The following MACROD2 variants were observed in gnomAD, a reference collection of about 807,000 sequenced individuals.
MACROD2 encodes ADP-ribose glycohydrolase MACROD2.
In MACROD2, 36 loss-of-function variants were observed where a neutral mutation model predicts 70.4. The ratio of observed to expected loss-of-function variants is 0.51; its 90% CI spans 0.39 to 0.68. The LOEUF (loss-of-function observed/expected upper bound fraction) is 0.68, where lower values mean the gene tolerates loss of function less well. Ranked by LOEUF, MACROD2 falls within the 30% of genes least tolerant of loss-of-function variation. The probability of loss-of-function intolerance (pLI) is 0.00; values close to 1 mark genes in which losing one functional copy is unlikely to be tolerated. For synonymous variants in MACROD2, 172 were observed against 178.8 expected, an observed-to-expected ratio of 0.96 and a Z score of 0.30; for missense variants, 496 against 538.4, an observed-to-expected ratio of 0.92 and a Z score of 0.78.
At chr20:14,043,622 T>G (rs1225257452) in intron 2 of MACROD2, among the ~76,000 whole-genome samples, 1 of 152,240 alleles carries the variant, frequency 6.6e-6, no homozygotes, top group Non-Finnish European at 1.5e-5. Context: ...AAAGGCCGGT[T>G]CAGATTCTTA....
intron 3 of MACROD2, among the ~76,000 whole-genome samples, chr20:14,469,183 A>G (rs1053109850): frequency 6.6e-6 from 1 of 151,346 alleles, no homozygotes; most frequent in African/African-American, 2.5e-5. Flanking sequence ...TCCTTTGCTT[A>G]TGAACCTTAG....
chr20:14,779,172 A>G (rs1029891899), intron 5 of MACROD2, among the ~76,000 whole-genome samples: 1 of 152,136 alleles, frequency 6.6e-6, no homozygotes, highest in African/African-American at 2.4e-5. Context: ...TTCCAAGCTC[A>G]GAGTGTACAT....
At chr20:15,921,238 G>T (rs6135601) in intron 10 of MACROD2, among the ~76,000 whole-genome samples, 6,058 of 152,154 alleles carry the variant, frequency 0.04, 280 homozygotes, top group East Asian at 0.23. Flanking sequence ...TGCTCCAGCC[G>T]TACTAAATTA....
At chr20:15,997,746 A>G (rs2066652147) in intron 15 of MACROD2, among the ~76,000 whole-genome samples, 2 of 152,086 alleles carry the variant, frequency 1.3e-5, no homozygotes, top group African/African-American at 4.8e-5. Context: ...AGTGGTGAGT[A>G]GGGGCATCTT....
chr20:14,563,929 C>G (rs1979606047), intron 4 of MACROD2, among the ~76,000 whole-genome samples: 1 of 151,844 alleles, frequency 6.6e-6, no homozygotes, highest in African/African-American at 2.4e-5. Flanking sequence ...GGTGGTGTTA[C>G]ATTACTTGAC....
intron 5 of MACROD2, among the ~76,000 whole-genome samples, chr20:14,788,888 C>T (rs940831476): frequency 6.6e-6 from 1 of 150,938 alleles, no homozygotes; most frequent in African/African-American, 2.4e-5. Context: ...CCTGCCTCAG[C>T]CCCCTGAGTA....
intron 3 of MACROD2, among the ~76,000 whole-genome samples, chr20:14,396,985 T>C (rs2083587859): frequency 8.9e-6 from 1 of 112,812 alleles, no homozygotes; most frequent in Non-Finnish European, 1.7e-5. Flanking sequence ...ATTTAGACCA[T>C]TTACTTTTTT....
chr20:15,806,220 T>C (rs1264619335), intron 8 of MACROD2, among the ~76,000 whole-genome samples: 1 of 152,164 alleles, frequency 6.6e-6, no homozygotes, highest in East Asian at 1.9e-4. Flanking sequence ...TTCTAATGAG[T>C]GAGCAGAGCC....
At chr20:14,519,034 A>G (rs374433787) in intron 4 of MACROD2, among the ~76,000 whole-genome samples, 38 of 152,318 alleles carry the variant, frequency 2.5e-4, no homozygotes, top group African/African-American at 8.2e-4. Flanking sequence ...GTGACTTTAA[A>G]TATATGAAAA....
chr20:14,086,967 A>G (rs1269902250), intron 3 of MACROD2, among the ~76,000 whole-genome samples: 1 of 152,222 alleles, frequency 6.6e-6, no homozygotes, highest in Admixed American at 6.5e-5. Context: ...CACAGAGAAT[A>G]GTAGGAAAGT....
In MACROD2 at chr20:14,498,377, C is replaced by G. The variant is rs367884920; in HGVS notation, c.301+4869C>G. Among the ~76,000 whole-genome samples the G allele has an allele frequency of 3.9e-5, 6 of 152,344 alleles. No homozygotes were observed. In the East Asian group the frequency reaches 1.2e-3, roughly 29 times the overall value. On this transcript the variant is annotated intron_variant, in intron 4 of 17. Coordinates refer to ENST00000684519, the MANE Select transcript of MACROD2 (RefSeq NM_001351661.2). ...TATTTGTGCATCTCCACACACCCAT[C>G]ATCTGTTTCTAAACACAAGCACACA...
rs565965750 is a variant in MACROD2, at chr20:14,712,498, G to A, written c.418+27539G>A. On this transcript the variant is annotated intron_variant, in intron 5 of 17. Transcript: ENST00000684519. ...ACGTTGAATGCCCTGCATACCTATA[G>A]TTCTTAAGGGAATAGTCACTGTTGA... Among the ~76,000 whole-genome samples, 5 of 152,302 alleles carry A rather than the reference G, an allele frequency of 3.3e-5. No homozygotes were observed. The South Asian group carries it at 1.0e-3, about 32-fold the overall frequency.
intron 8 of MACROD2, among the ~76,000 whole-genome samples, chr20:15,701,196 G>T (rs1272574261): frequency 6.6e-6 from 1 of 152,274 alleles, no homozygotes; most frequent in African/African-American, 2.4e-5. Context: ...GTGCCACAAT[G>T]GCAGAGTTTA....
At chr20:16,031,694 G>A (rs1185094359) in intron 15 of MACROD2, among the ~76,000 whole-genome samples, 1 of 152,018 alleles carries the variant, frequency 6.6e-6, no homozygotes, top group African/African-American at 2.4e-5. Flanking sequence ...TATTGAATAG[G>A]CACTAAAATC....
At chr20:14,303,030 T>C (rs796175052) in intron 3 of MACROD2, among the ~76,000 whole-genome samples, 1 of 152,204 alleles carries the variant, frequency 6.6e-6, no homozygotes, top group South Asian at 2.1e-4. Context: ...GTAAAGAAGG[T>C]GGTCTTCTAA....
chr20:14,437,738 T>C (rs1042966914), intron 3 of MACROD2, among the ~76,000 whole-genome samples: 1 of 152,236 alleles, frequency 6.6e-6, no homozygotes, highest in Non-Finnish European at 1.5e-5. Context: ...CTTATATAAA[T>C]GAATTTTGCT....
At chr20:14,473,056 T>C (rs2084548523) in intron 3 of MACROD2, among the ~76,000 whole-genome samples, 1 of 152,202 alleles carries the variant, frequency 6.6e-6, no homozygotes, top group Non-Finnish European at 1.5e-5. Flanking sequence ...CACATAGTAA[T>C]TATACATATT....
chr20:14,599,782 A>G (rs1170130509), intron 4 of MACROD2, among the ~76,000 whole-genome samples: 1 of 152,182 alleles, frequency 6.6e-6, no homozygotes, highest in African/African-American at 2.4e-5. Context: ...GTGGGAACAG[A>G]TGCAAGAGGC....
intron 5 of MACROD2, among the ~76,000 whole-genome samples, chr20:14,795,404 T>G (rs1222295826): frequency 6.6e-6 from 1 of 152,012 alleles, no homozygotes; most frequent in Non-Finnish European, 1.5e-5. Flanking sequence ...AGCGAGTAAC[T>G]TGGACATGAG....
Sources: allele counts gnomAD v4.1 joint callset (sites outside exome capture counted in the v4.1 genomes callset), GRCh38; gene constraint gnomAD v4.1.1; transcripts MANE v1.5; gene names NCBI Gene and HGNC (gene_info 2026-07-23, HGNC 2026-07-21).